Variants in LRRC8C observed in about 807,000 individuals in gnomAD.
LRRC8C encodes leucine rich repeat containing 8 VRAC subunit C, also known as volume-regulated anion channel subunit LRRC8C.
In LRRC8C, 20 loss-of-function variants were observed where a neutral mutation model predicts 55.3. The observed-to-expected ratio is 0.36, with a 90% confidence interval of 0.25 to 0.53. The LOEUF (loss-of-function observed/expected upper bound fraction) is 0.53, where lower values mean the gene tolerates loss of function less well. Among genes scored for constraint, LRRC8C ranks in the 20% least tolerant of loss-of-function variants. The pLI is 0.92. For missense variants in LRRC8C, 659 were observed against 951.4 expected (o/e 0.69, Z 4.04); for synonymous variants, 376 against 360.7 (o/e 1.04, Z -0.48).
At chr1:89,643,850 CG>C (rs1656538515) in intron 1 of LRRC8C, among the ~76,000 whole-genome samples, 1 of 152,118 alleles carries the variant, frequency 6.6e-6, no homozygotes, top group Non-Finnish European at 1.5e-5. Flanking sequence ...CCTCTAAAAC[CG>C]GGCTTCTGAC....
Position 89,718,933 on chromosome 1 carries a change from A to G in LRRC8C, c.*3951A>G, listed in dbSNP as rs1215687486. ...TTTTCTTTCTACTTAGAAACATTGC[A>G]AGAAACCTTGGACAGTCTTCACCAG... is the stretch of plus-strand genomic sequence containing the variant. On this transcript the variant is annotated 3_prime_UTR_variant, in exon 3 of 3. Transcript: ENST00000370454. 2 of 152,198 alleles carry G rather than the reference A, an allele frequency of 1.3e-5. No individual in the cohort carries two copies. The highest frequency in any genetic ancestry group is 2.9e-5 in the Non-Finnish European group (2 of 68,024). 9.4% of individuals were successfully genotyped at this position (152,198 alleles called of 1,614,324 possible). A position where few individuals can be genotyped will look rare whatever the true frequency, so the allele number is the denominator to read the frequency against.
At chr1:89,705,563 T>C (rs999521221) in intron 2 of LRRC8C, among the ~76,000 whole-genome samples, 19 of 152,028 alleles carry the variant, frequency 1.2e-4, no homozygotes, top group Non-Finnish European at 1.8e-4. Context: ...TGGATCGTTT[T>C]GAGCACAGGA....
chr1:89,659,059 TTTTGTG>T (rs1187599022), intron 1 of LRRC8C, among the ~76,000 whole-genome samples: 4 of 59,208 alleles, frequency 6.8e-5, no homozygotes, highest in Non-Finnish European at 1.4e-4. Context: ...TTTTTTTTTT[TTTTGTG>T]TGTGTGTGTG....
At chr1:89,653,645 G>A (rs1006401739) in intron 1 of LRRC8C, among the ~76,000 whole-genome samples, 2 of 152,172 alleles carry the variant, frequency 1.3e-5, no homozygotes, top group African/African-American at 4.8e-5. Context: ...AAGGTAGGGA[G>A]AACTGGTTAG....
chr1:89,701,393 G>A (rs1008401011), intron 2 of LRRC8C, among the ~76,000 whole-genome samples: 10 of 151,452 alleles, frequency 6.6e-5, no homozygotes, highest in African/African-American at 1.7e-4. Context: ...GGAGAATGGC[G>A]TGAACCTGGG....
chr1:89,683,721 A>G (rs1018295681), intron 1 of LRRC8C, among the ~76,000 whole-genome samples: 1 of 152,150 alleles, frequency 6.6e-6, no homozygotes, highest in African/African-American at 2.4e-5. Context: ...CCATATCACA[A>G]CTAAGTTAGT....
chr1:89,681,556 C>A (rs1015014637), intron 1 of LRRC8C, among the ~76,000 whole-genome samples: 20 of 152,170 alleles, frequency 1.3e-4, no homozygotes, highest in African/African-American at 4.8e-4. Flanking sequence ...TTCCACATGG[C>A]CTCACAATCA....
rs575485373 is a variant in LRRC8C, at chr1:89,639,913, A to C, written c.-5+6591A>C. Among the ~76,000 whole-genome samples, 11 of 152,346 alleles carry C rather than the reference A, an allele frequency of 7.2e-5. No homozygotes were observed. The East Asian group carries it at 1.9e-3, about 27-fold the overall frequency. On this transcript the variant is annotated intron_variant, in intron 1 of 2. Transcript: ENST00000370454. ...CATTAAGAGACATGTAAATATTTCT[A>C]TATGTGATTGAAAAGCAGGAGAAAG...
In LRRC8C at chr1:89,706,177, CAT is replaced by C. The variant is rs567516789; in HGVS notation, c.139-6528_139-6527del. The C allele has an allele frequency of 1.1e-3, 426 of 387,730 alleles. 3 individuals are homozygous for C. Among genetic ancestry groups the C allele is most frequent in the African/African-American group, 8.4e-3 (398 of 47,492 alleles). The allele number at this position is 387,730 out of a possible 1,614,324, so 24.0% of individuals were successfully genotyped here. Reference sequence around the variant, plus strand: ...TTGGTATCCCAAATATAACAACTGACATATAGTAGATACTACTGCAGAATGAC... The same window carrying C: ...TTGGTATCCCAAATATAACAACTGACATAGTAGATACTACTGCAGAATGAC... On this transcript the variant is annotated intron_variant, in intron 2 of 2. Transcript: ENST00000370454.
the LRRC8C span, among the ~76,000 whole-genome samples, chr1:89,622,566 CT>C: frequency 6.6e-6 from 1 of 152,220 alleles, no homozygotes; most frequent in African/African-American, 2.4e-5. Flanking sequence ...ATCTCCTGAC[CT>C]TGCGATCCGC....
In LRRC8C at chr1:89,686,605, T is replaced by A; in HGVS notation, c.132T>A (p.Thr44=). 1 of 1,614,052 alleles carries A rather than the reference T, an allele frequency of 6.2e-7. No homozygotes were observed. Among genetic ancestry groups the A allele is most frequent in the South Asian group, 1.1e-5 (1 of 91,082 alleles). The change falls in exon 2 of 3, where the codon ACT becomes ACA. Residue 44 remains threonine, a synonymous_variant. Transcript: ENST00000370454. ...AMLMIGVFGC[T]LQVMQDKIIC... ...TCATGATCGGCGTGTTTGGATGTAC[T>A]TTACAGGTAGGTGCCTAGATCCCTG...
intron 1 of LRRC8C, among the ~76,000 whole-genome samples, chr1:89,665,650 A>G (rs1350999798): frequency 8.5e-5 from 13 of 152,236 alleles, no homozygotes; most frequent in Admixed American, 7.9e-4. Flanking sequence ...TTAAAGTTTA[A>G]AAAGCAAAAA....
intron 2 of LRRC8C, among the ~76,000 whole-genome samples, chr1:89,691,170 A>G (rs559283811): frequency 6.6e-6 from 1 of 152,332 alleles, no homozygotes; most frequent in African/African-American, 2.4e-5. Flanking sequence ...TCTGAAGACC[A>G]TAGAAACACA....
At chr1:89,623,991 A>C in the LRRC8C span, among the ~76,000 whole-genome samples, 1 of 152,208 alleles carries the variant, frequency 6.6e-6, no homozygotes, top group African/African-American at 2.4e-5. Flanking sequence ...GAGACAAAAG[A>C]AAGTTTACTA....
At chr1:89,636,504 G>C (rs1257805797) in intron 1 of LRRC8C, among the ~76,000 whole-genome samples, 2 of 152,024 alleles carry the variant, frequency 1.3e-5, no homozygotes, top group Admixed American at 1.3e-4. Context: ...ACAATATGTT[G>C]ATGGATCGGA....
rs779900485 is a variant in LRRC8C, at chr1:89,714,617, A to G, written c.2047A>G (p.Asn683Asp). The change falls in exon 3 of 3, where the codon AAC becomes GAC. Residue 683 changes from asparagine to aspartate, a missense_variant. This residue lies in a region of LRRC8C where 344 missense variants were observed against 464.6 expected (regional missense o/e 0.74). Transcript: ENST00000370454. The surrounding 1 kb of genome is among the most constrained non-coding windows in gnomAD (Gnocchi z 4.6). ...EVLPSHLFLC[N>D]KIRYLDLSYN... is the part of the protein sequence containing the mutation. ...GCTGCCTTCCCACCTCTTCCTATGC[A>G]ACAAGATCCGATACTTGGACTTATC... 1 of 1,614,132 alleles carries G rather than the reference A, an allele frequency of 6.2e-7. No individual in the cohort carries two copies. Among genetic ancestry groups the G allele is most frequent in the Admixed American group, 1.7e-5 (1 of 60,020 alleles).
chr1:89,695,852 C>T (rs539232661), intron 2 of LRRC8C, among the ~76,000 whole-genome samples: 1 of 152,274 alleles, frequency 6.6e-6, no homozygotes. Context: ...CATGGCTTTT[C>T]TGAGGCCCAG....
At chr1:89,624,778 T>C in the LRRC8C span, 1 of 152,332 alleles carries the variant, frequency 6.6e-6, no homozygotes, top group South Asian at 2.1e-4. Flanking sequence ...TTTATTCTTT[T>C]GGAATGTTGA....
intron 1 of LRRC8C, among the ~76,000 whole-genome samples, chr1:89,669,831 A>G (rs1657368172): frequency 6.6e-6 from 1 of 152,130 alleles, no homozygotes. Context: ...TTATTGCCTT[A>G]ATAACCAATG....
Sources: allele counts gnomAD v4.1 joint callset (sites outside exome capture counted in the v4.1 genomes callset), GRCh38; gene constraint gnomAD v4.1.1; regional missense constraint gnomAD v4.1.1; non-coding constraint Gnocchi (gnomAD v3.1); transcripts MANE v1.5; gene names NCBI Gene and HGNC (gene_info 2026-07-23, HGNC 2026-07-21).